The following RILPL2 variants were observed in gnomAD, a reference collection of about 807,000 sequenced individuals.
The protein encoded by RILPL2 is Rab interacting lysosomal protein like 2.
A neutral mutation model predicts 22.2 loss-of-function variants in RILPL2; 19 were observed. That is an observed-to-expected ratio of 0.86 (90% confidence interval 0.60 to 1.25). RILPL2 has a LOEUF of 1.25. RILPL2 is among the 50% of genes most tolerant of loss of function. RILPL2 has a pLI of 0.00. For synonymous variants in RILPL2, 123 were observed against 111.6 expected, an observed-to-expected ratio of 1.10 and a Z score of -0.64; for missense variants, 243 against 263.6, an observed-to-expected ratio of 0.92 and a Z score of 0.54.
intron 1 of RILPL2, 118 bp downstream of exon 1, chr12:123,435,963 TA>T (rs1566094683): frequency 1.4e-6 from 2 of 1,391,070 alleles, no homozygotes; most frequent in Non-Finnish European, 1.9e-6. Flanking sequence ...TCCCATCTCT[TA>T]AAAAAAGAAA....
chr12:123,413,598 A>T (rs1285567513), downstream of RILPL2: 2 of 152,256 alleles, frequency 1.3e-5, no homozygotes, highest in African/African-American at 4.8e-5. Flanking sequence ...AAGCAGTAGT[A>T]AGATTTATTG....
At chr12:123,429,187 G>T (rs1401035181) in intron 2 of RILPL2, among the ~76,000 whole-genome samples, 3 of 151,864 alleles carry the variant, frequency 2.0e-5, no homozygotes, top group Non-Finnish European at 4.4e-5. Flanking sequence ...ACAGGGTCTT[G>T]CTATGTTGCC....
At chr12:123,430,360 G>C in intron 2 of RILPL2, 148 bp downstream of exon 2, 2 of 604,010 alleles carry the variant, frequency 3.3e-6, no homozygotes, top group South Asian at 5.6e-5. Flanking sequence ...AGTGAGCCGA[G>C]ATCGCGCCAC....
Position 123,415,358 on chromosome 12 carries a change from G to C in RILPL2, c.*533C>G, listed in dbSNP as rs1442672494. 6.3e-6 allele frequency: 1 copy of C among 159,508 alleles called. No individual in the cohort carries two copies. The highest frequency in any genetic ancestry group is 2.4e-5 in the African/African-American group (1 of 41,468). The allele number at this position is 159,508 out of a possible 1,614,324, so 9.9% of individuals were successfully genotyped here. On this transcript the variant is annotated 3_prime_UTR_variant, in exon 4 of 4. Transcript: ENST00000280571. ...ACACACATATACCATGTGTACCATC[G>C]TAACTAAGAGACCACTCTAGATAAG...
intron 1 of RILPL2, among the ~76,000 whole-genome samples, chr12:123,431,223 C>G (rs559318846): frequency 3.2e-4 from 49 of 152,252 alleles, no homozygotes; most frequent in African/African-American, 1.1e-3. Flanking sequence ...ATTCGGCCTT[C>G]AAAGGCAAGG....
Position 123,436,267 on chromosome 12 carries a change from G to A in RILPL2, c.154C>T (p.Leu52Phe), listed in dbSNP as rs759363513. ...YDISYLLGRE[L>F]MALGSDPRVT... ...CGGGGGTCGCTGCCCAGGGCCATAA[G>A]CTCGCGGCCCAACAGGTAGGAGATG... The change falls in exon 1 of 4, where the codon CTT becomes TTT. Residue 52 changes from leucine to phenylalanine, a missense_variant. By Grantham distance (22) the Leu-to-Phe change is conservative. Transcript: ENST00000280571. This position sits in a 1 kb window ranked among gnomAD's most constrained non-coding sequence, Gnocchi z 6.7. The A allele has an allele frequency of 6.2e-7, 1 of 1,609,888 alleles. No homozygotes were observed. The highest frequency in any genetic ancestry group is 1.1e-5 in the South Asian group (1 of 90,230).
Position 123,436,307 on chromosome 12 carries a change from G to T in RILPL2, c.114C>A (p.Ala38=), listed in dbSNP as rs751992222. ...ALGKSPFQLT[A]EDVYDISYLL... is the part of the protein sequence containing the mutation. ...GGTAGGAGATGTCATACACGTCCTC[G>T]GCGGTCAGCTGGAAGGGGCTCTTGC... Residue 38 remains alanine (A), a synonymous_variant, in exon 1 of 4, where the codon GCC becomes GCA. Coordinates refer to ENST00000280571, the MANE Select transcript of RILPL2 (RefSeq NM_145058.3). This position sits in a 1 kb window ranked among gnomAD's most constrained non-coding sequence, Gnocchi z 6.7. 1.1e-5 allele frequency: 18 copies of T among 1,591,214 alleles called. No homozygotes were observed. The highest frequency in any genetic ancestry group is 1.5e-5 in the Non-Finnish European group (18 of 1,169,394).
rs1478416306 is a variant in RILPL2 at position 123,436,444 on chromosome 12, T to A, written c.-24A>T. 1 of 1,540,258 alleles carries A rather than the reference T, an allele frequency of 6.5e-7. No individual in the cohort carries two copies. Among genetic ancestry groups the A allele is most frequent in the East Asian group, 2.4e-5 (1 of 40,866 alleles). On this transcript the variant is annotated 5_prime_UTR_variant, in exon 1 of 4. Coordinates refer to ENST00000280571, the MANE Select transcript of RILPL2 (RefSeq NM_145058.3). This position sits in a 1 kb window ranked among gnomAD's most constrained non-coding sequence, Gnocchi z 6.7. ...ATGGCCACCCAGACCCCCGCCGACC[T>A]CGGAGCTGCTGTCTTGGAGTCTCCC...
At position 123,430,071 on chromosome 12, in the gene RILPL2, G is replaced by A. The variant is rs185020298; in HGVS notation, c.491+437C>T. ...ACAGAGGTTGCAGTGAGCCAAGATC[G>A]CACCACTGGGCGACAGGGTGAGACC... On this transcript the variant is annotated intron_variant, in intron 2 of 3. Transcript: ENST00000280571. Among the ~76,000 whole-genome samples, 164 of 116,698 alleles carry A rather than the reference G, an allele frequency of 1.4e-3. 1 individual carries two copies. Among genetic ancestry groups the A allele is most frequent in the African/African-American group, 4.6e-3 (138 of 30,216 alleles). The allele number at this position is 116,698 out of a possible 152,430, so 76.6% of individuals were successfully genotyped here. A position where few individuals can be genotyped will look rare whatever the true frequency, so the allele number is the denominator to read the frequency against.
At chr12:123,434,515 C>A (rs1425022701) in intron 1 of RILPL2, among the ~76,000 whole-genome samples, 1 of 151,724 alleles carries the variant, frequency 6.6e-6, no homozygotes, top group Non-Finnish European at 1.5e-5. Context: ...CCTCTGCCTT[C>A]CGGTTTCAAG....
At position 123,415,515 on chromosome 12, in the gene RILPL2, C is replaced by A. The variant is rs923862264; in HGVS notation, c.*376G>T. ...TCTCAATAGCACATTTTCCTGCTTT[C>A]TTTTCTCCCTTCTGCTAACCATTGA... On this transcript the variant is annotated 3_prime_UTR_variant, in exon 4 of 4. Coordinates refer to ENST00000280571, the MANE Select transcript of RILPL2 (RefSeq NM_145058.3). The A allele has an allele frequency of 8.6e-6, 2 of 233,448 alleles. No individual in the cohort carries two copies. Among genetic ancestry groups the A allele is most frequent in the Non-Finnish European group, 1.7e-5 (2 of 119,794 alleles). 14.5% of individuals were successfully genotyped at this position (233,448 alleles called of 1,614,324 possible).
chr12:123,409,600 T>TG, the RILPL2 span, among the ~76,000 whole-genome samples: 6 of 150,398 alleles, frequency 4.0e-5, no homozygotes, highest in South Asian at 4.2e-4. Context: ...TGGAGTTCAG[T>TG]GGGGCAGTCT....
chr12:123,434,632 TG>T lies in RILPL2; in HGVS notation c.339+1449del, dbSNP rs1204776273. 4.0e-5 allele frequency among the ~76,000 whole-genome samples: 6 copies of T among 151,892 alleles called. No homozygotes were observed. The East Asian group carries it at 1.2e-3, about 30-fold the overall frequency. ...TAGTAGAGATAGAGTTTCACCATGT[TG>T]GCCAGGCTGGTCTCAAATTCCTGAC... On this transcript the variant is annotated intron_variant, in intron 1 of 3. Transcript: ENST00000280571.
At chr12:123,427,287 T>G (rs1415189703) in intron 2 of RILPL2, among the ~76,000 whole-genome samples, 1 of 152,080 alleles carries the variant, frequency 6.6e-6, no homozygotes, top group East Asian at 1.9e-4. Flanking sequence ...AGAATGCTGG[T>G]CTCAAGGAAG....
intron 1 of RILPL2, 100 bp downstream of exon 1, chr12:123,435,982 A>AAAGAG: frequency 1.4e-6 from 2 of 1,435,050 alleles, no homozygotes; most frequent in South Asian, 2.8e-5. Flanking sequence ...AAAAAAGAGA[A>AAAGAG]AAGAGAAGAG....
rs539014132 is a variant in RILPL2, at chr12:123,430,031, G to A, written c.491+477C>T. ...CTTGGGTGGCTAAGGTGGGAGAATC[G>A]CTTGAACCCATGAGACAGAGGTTGC... On this transcript the variant is annotated intron_variant, in intron 2 of 3. Transcript: ENST00000280571. Among the ~76,000 whole-genome samples the A allele has an allele frequency of 1.5e-4, 20 of 137,598 alleles. No homozygotes were observed. The South Asian group carries it at 2.6e-3, about 18-fold the overall frequency. The allele number at this position is 137,598 out of a possible 152,430, so 90.3% of individuals were successfully genotyped here.
intron 2 of RILPL2, 133 bp downstream of exon 2, chr12:123,430,375 C>G (rs1192333414): frequency 1.3e-5 from 11 of 844,580 alleles, no homozygotes; most frequent in African/African-American, 3.6e-5. Context: ...CGCCACTGCA[C>G]TCCAGCCTGG....
chr12:123,417,352 T>C (rs1325670202), intron 3 of RILPL2, among the ~76,000 whole-genome samples: 1 of 151,396 alleles, frequency 6.6e-6, no homozygotes, highest in Non-Finnish European at 1.5e-5. Context: ...TTTGACCCTG[T>C]CTCCCAACCC....
At chr12:123,429,023 G>C (rs1209639068) in intron 2 of RILPL2, among the ~76,000 whole-genome samples, 3 of 152,226 alleles carry the variant, frequency 2.0e-5, no homozygotes, top group Non-Finnish European at 4.4e-5. Context: ...AACATTTTGG[G>C]AAATAGCACA....
Sources: gnomAD v4.1 joint callset for allele counts (sites outside exome capture counted in the v4.1 genomes callset) on GRCh38, gnomAD v4.1.1 for gene constraint, Gnocchi (gnomAD v3.1) non-coding constraint, MANE v1.5 for transcripts, NCBI Gene and HGNC (gene_info 2026-07-23, HGNC 2026-07-21) for gene names.